The following ELMOD2 variants were observed in gnomAD, a reference collection of about 807,000 sequenced individuals.
ELMOD2 encodes the protein ELMO domain containing 2, also known as ELMO domain-containing protein 2.
ELMOD2 carries 28 observed loss-of-function variants against 41.0 expected under a neutral mutation model. The observed-to-expected ratio is 0.68, with a 90% CI of 0.51 to 0.94. The LOEUF (loss-of-function observed/expected upper bound fraction) is 0.94, where lower values mean the gene tolerates loss of function less well. Among genes scored for constraint, ELMOD2 ranks in the 40% least tolerant of loss-of-function variants. ELMOD2 has a pLI of 0.00. For missense variants in ELMOD2, 333 were observed against 343.1 expected (o/e 0.97, Z 0.23); for synonymous variants, 106 against 107.2 (o/e 0.99, Z 0.07).
intron 6 of ELMOD2, 74 bp from the exon 7 acceptor site, chr4:140,542,500 T>A: frequency 8.8e-7 from 1 of 1,135,866 alleles, no homozygotes; most frequent in Non-Finnish European, 1.3e-6. Flanking sequence ...TGACAGTAGC[T>A]TTTTAAATTG....
rs1275214055 is a variant in ELMOD2, at chr4:140,550,520, G to A, written c.*145G>A. On this transcript the variant is annotated 3_prime_UTR_variant, in exon 9 of 9. Transcript: ENST00000323570. ...AGAAATTCTATTTAAGAAAGCTAGTGGACAATCAGTGTATGTTTACAATTG... is the reference window on the plus strand; with the variant it reads ...AGAAATTCTATTTAAGAAAGCTAGTAGACAATCAGTGTATGTTTACAATTG... 8 of 814,586 alleles carry A rather than the reference G, an allele frequency of 9.8e-6. No individual in the cohort carries two copies. Among genetic ancestry groups the A allele is most frequent in the Non-Finnish European group, 1.4e-5 (8 of 559,548 alleles). The allele number at this position is 814,586 out of a possible 1,614,324, so 50.5% of individuals were successfully genotyped here.
intron 3 of ELMOD2, among the ~76,000 whole-genome samples, chr4:140,529,634 C>G (rs1165661290): frequency 6.6e-6 from 1 of 152,202 alleles, no homozygotes; most frequent in Non-Finnish European, 1.5e-5. Flanking sequence ...ACTATGCTGC[C>G]TGTTATTTTC....
chr4:140,543,387 C>T, intron 7 of ELMOD2, 66 bp from the exon 8 acceptor site: 3 of 1,517,278 alleles, frequency 2.0e-6, no homozygotes, highest in Admixed American at 2.4e-5. Context: ...TAATTCCTAA[C>T]ATAATTTTAA....
At position 140,550,415 on chromosome 4, in the gene ELMOD2, A is replaced by G. The variant is rs1735437845; in HGVS notation, c.*40A>G. 3.9e-6 allele frequency: 6 copies of G among 1,538,890 alleles called. No individual in the cohort carries two copies. Among genetic ancestry groups the G allele is most frequent in the South Asian group, 2.4e-5 (2 of 82,328 alleles). On this transcript the variant is annotated 3_prime_UTR_variant, in exon 9 of 9. Coordinates refer to ENST00000323570, the MANE Select transcript of ELMOD2 (RefSeq NM_153702.4). ...CTTCTATTTCTACCACATTTTGCAC[A>G]TTCAACAGAATTTATATGTTGTAAT... is the stretch of plus-strand genomic sequence containing the variant.
Position 140,525,496 on chromosome 4 carries a change from G to C in ELMOD2, c.68G>C (p.Arg23Pro). ...FFRFWMKWLL[R>P]QMTGKCELQR... ...CGATTTTGGATGAAATGGCTATTAC[G>C]ACAGATGACTGGGAAGTGTGAATTG... Residue 23 changes from arginine (R) to proline (P), a missense_variant, in exon 2 of 9, where the codon CGA becomes CCA. Coordinates refer to ENST00000323570, the MANE Select transcript of ELMOD2 (RefSeq NM_153702.4). The C allele has an allele frequency of 6.2e-7, 1 of 1,613,906 alleles. No homozygotes were observed. The highest frequency in any genetic ancestry group is 8.5e-7 in the Non-Finnish European group (1 of 1,179,930).
intron 8 of ELMOD2, among the ~76,000 whole-genome samples, chr4:140,545,016 T>C (rs1735226986): frequency 1.3e-5 from 2 of 152,184 alleles, no homozygotes; most frequent in South Asian, 2.1e-4. Context: ...CTCTGCTCTC[T>C]TTGTTCATGA....
Position 140,542,625 on chromosome 4 carries a change from A to T in ELMOD2, c.585A>T (p.Ser195=). The change falls in exon 7 of 9, where the codon TCA becomes TCT. Residue 195 remains serine, a synonymous_variant. Coordinates refer to ENST00000323570, the MANE Select transcript of ELMOD2 (RefSeq NM_153702.4). The part of the protein sequence containing the change: ...TSEAHQILSR[S]NHPKLGYSYA... ...AAGCTCATCAGATTCTTTCCCGTTCAAATCATCCAAAATTAGGGTAAGCTG... is the reference window on the plus strand; with the variant it reads ...AAGCTCATCAGATTCTTTCCCGTTCTAATCATCCAAAATTAGGGTAAGCTG... The T allele has an allele frequency of 6.2e-7, 1 of 1,605,806 alleles. No individual in the cohort carries two copies. The highest frequency in any genetic ancestry group is 1.1e-5 in the South Asian group (1 of 89,710).
At chr4:140,547,266 C>G (rs2110882784) in intron 8 of ELMOD2, among the ~76,000 whole-genome samples, 1 of 152,284 alleles carries the variant, frequency 6.6e-6, no homozygotes, top group East Asian at 1.9e-4. Flanking sequence ...CTTCATCTCC[C>G]TCTTTTCCTT....
At chr4:140,542,452 A>C in intron 6 of ELMOD2, 122 bp from the exon 7 acceptor site, 1 of 658,518 alleles carries the variant, frequency 1.5e-6, no homozygotes, top group South Asian at 2.3e-5. Flanking sequence ...TTTGAGACAG[A>C]TATCAGGATA....
At chr4:140,533,941 T>C (rs1372267937) in intron 3 of ELMOD2, among the ~76,000 whole-genome samples, 2 of 152,080 alleles carry the variant, frequency 1.3e-5, no homozygotes, top group African/African-American at 2.4e-5. Context: ...AAAAGTTACC[T>C]AAATGAAATA....
intron 3 of ELMOD2, chr4:140,527,811 T>G (rs1734619197): frequency 4.1e-6 from 1 of 243,044 alleles, no homozygotes. Context: ...CAGGATAGAT[T>G]ATATGAGAGA....
intron 3 of ELMOD2, among the ~76,000 whole-genome samples, chr4:140,530,962 A>G (rs1734727708): frequency 6.6e-6 from 1 of 152,172 alleles, no homozygotes; most frequent in Non-Finnish European, 1.5e-5. Context: ...AAAGCTATTC[A>G]TACCCACATA....
At chr4:140,524,355 C>G (rs1734477019) in intron 1 of ELMOD2, 75 bp downstream of exon 1, 1 of 152,400 alleles carries the variant, frequency 6.6e-6, no homozygotes, top group Non-Finnish European at 1.5e-5. Flanking sequence ...GCTCGCGAGC[C>G]CCGCGGGGTT....
rs114535572 is a variant in ELMOD2 at position 140,544,614 on chromosome 4, G to A, written c.736+1028G>A. Among the ~76,000 whole-genome samples, 1,277 of 152,092 alleles carry A rather than the reference G, an allele frequency of 8.4e-3. 10 individuals are homozygous for A. Among genetic ancestry groups the A allele is most frequent in the African/African-American group, 0.03 (1,238 of 41,476 alleles). On this transcript the variant is annotated intron_variant, in intron 8 of 8. Transcript: ENST00000323570. ...AAGGCCCTGCATAATCTGAACCTTG[G>A]TAACCTCTCCAGGCTCATCTTTTGC...
intron 8 of ELMOD2, among the ~76,000 whole-genome samples, chr4:140,545,371 C>T (rs1471800284): frequency 6.6e-6 from 1 of 152,108 alleles, no homozygotes; most frequent in Admixed American, 6.6e-5. Context: ...CTCTCTTTAG[C>T]CCTCATACTT....
chr4:140,543,716 G>T, intron 8 of ELMOD2, 130 bp downstream of exon 8: 1 of 755,034 alleles, frequency 1.3e-6, no homozygotes, highest in Non-Finnish European at 1.8e-6. Flanking sequence ...TTATTACTTA[G>T]GGTCTTTGAA....
Position 140,540,393 on chromosome 4 carries a change from T to A in ELMOD2, c.533+92T>A, listed in dbSNP as rs1359225274. ...TCTAATAAGAAGTGATCTAGTTGATTCATACTATCTCTGAATTTTAATAAC... is the reference window on the plus strand; with the variant it reads ...TCTAATAAGAAGTGATCTAGTTGATACATACTATCTCTGAATTTTAATAAC... On this transcript the variant is annotated intron_variant, in intron 6 of 8. Transcript: ENST00000323570. 3.4e-6 allele frequency: 5 copies of A among 1,458,960 alleles called. No individual in the cohort carries two copies. In the East Asian group the frequency reaches 9.1e-5, roughly 27 times the overall value. 90.4% of individuals were successfully genotyped at this position (1,458,960 alleles called of 1,614,324 possible). A position where few individuals can be genotyped will look rare whatever the true frequency, so the allele number is the denominator to read the frequency against.
In ELMOD2 at chr4:140,553,253, T is replaced by G. The variant is rs1735514163; in HGVS notation, c.*2878T>G. 1 of 152,080 alleles carries G rather than the reference T, an allele frequency of 6.6e-6. No individual in the cohort carries two copies. The highest frequency in any genetic ancestry group is 2.4e-5 in the African/African-American group (1 of 41,430). 9.4% of individuals were successfully genotyped at this position (152,080 alleles called of 1,614,324 possible). A position where few individuals can be genotyped will look rare whatever the true frequency, so the allele number is the denominator to read the frequency against. ...CCAGAACAGAAAAGGTTACACATGATCATGGCACAGAAGATAGGAGGTTTG... is the reference window on the plus strand; with the variant it reads ...CCAGAACAGAAAAGGTTACACATGAGCATGGCACAGAAGATAGGAGGTTTG... On this transcript the variant is annotated 3_prime_UTR_variant, in exon 9 of 9. Coordinates refer to ENST00000323570, the MANE Select transcript of ELMOD2 (RefSeq NM_153702.4).
At chr4:140,532,246 C>G (rs1024123211) in intron 3 of ELMOD2, among the ~76,000 whole-genome samples, 1 of 151,160 alleles carries the variant, frequency 6.6e-6, no homozygotes, top group Admixed American at 6.6e-5. Flanking sequence ...CTCACTGCAC[C>G]CTCCACCTCC....
Sources: allele counts gnomAD v4.1 joint callset (sites outside exome capture counted in the v4.1 genomes callset), GRCh38; gene constraint gnomAD v4.1.1; transcripts MANE v1.5; gene names NCBI Gene and HGNC (gene_info 2026-07-23, HGNC 2026-07-21).